The following POLD2 variants were observed in gnomAD, a reference collection of about 807,000 sequenced individuals.
The protein encoded by POLD2 is DNA polymerase delta 2, accessory subunit, also known as DNA polymerase delta subunit 2.
POLD2 carries 31 observed loss-of-function variants against 48.8 expected under a neutral mutation model. The observed-to-expected ratio is 0.64, with a 90% CI of 0.48 to 0.86. The LOEUF is 0.86. Ranked by LOEUF, POLD2 falls within the 40% of genes least tolerant of loss-of-function variation. POLD2 has a pLI of 0.00. For missense variants in POLD2, 455 were observed against 610.1 expected, an observed-to-expected ratio of 0.75 and a Z score of 2.68; for synonymous variants, 233 against 256.3, an observed-to-expected ratio of 0.91 and a Z score of 0.87.
chr7:44,120,745 G>T (rs1348382988), intron 2 of POLD2, among the ~76,000 whole-genome samples: 1 of 152,130 alleles, frequency 6.6e-6, no homozygotes, highest in Non-Finnish European at 1.5e-5. Context: ...ATGTAAAAGA[G>T]CCTTGCTTTC....
rs776177157 is a variant in POLD2 at position 44,115,436 on chromosome 7, A to G, written c.1148-40T>C. On this transcript the variant is annotated intron_variant, in intron 9 of 10. Transcript: ENST00000610533. The stretch of plus-strand genomic sequence containing the variant: ...GCAGCTCTGAGGAGGGTTCCGCCTC[A>G]GCACTAGCACTCTGCACAGGATGTG... 11 of 1,224,194 alleles carry G rather than the reference A, an allele frequency of 9.0e-6. No individual in the cohort carries two copies. The South Asian group carries it at 1.1e-4, about 12-fold the overall frequency. 75.8% of individuals were successfully genotyped at this position (1,224,194 alleles called of 1,614,324 possible).
chr7:44,123,750 G>A (rs570513501), upstream of POLD2: 70 of 1,319,720 alleles, frequency 5.3e-5, no homozygotes, highest in South Asian at 1.2e-3. Context: ...GGGCTCGCAG[G>A]CCGGCGCCGC....
intron 2 of POLD2, 121 bp from the exon 3 acceptor site, chr7:44,118,185 G>A: frequency 1.7e-6 from 2 of 1,180,468 alleles, no homozygotes; most frequent in Non-Finnish European, 2.4e-6. Context: ...TGCCAGGAGA[G>A]AACATCAAGT....
rs759384009 is a variant in POLD2, at chr7:44,117,257, A to G, written c.467-10T>C. ...ACAGCCAGGACAGTCCCTGGGGAGC[A>G]GTGGCATCAGGCCTGAGCAGGGAGC... On this transcript the variant is annotated splice_polypyrimidine_tract_variant and intron_variant, in intron 4 of 10. Coordinates refer to ENST00000610533, the MANE Select transcript of POLD2 (RefSeq NM_006230.4). The G allele has an allele frequency of 1.2e-6, 2 of 1,603,250 alleles. No homozygotes were observed. The highest frequency in any genetic ancestry group is 3.3e-5 in the Admixed American group (2 of 59,808).
chr7:44,117,362 C>G, intron 4 of POLD2, 115 bp from the exon 5 acceptor site: 3 of 791,730 alleles, frequency 3.8e-6, no homozygotes, highest in Non-Finnish European at 6.3e-6. Context: ...TGAATTCTCA[C>G]CTAGGACTCC....
intron 1 of POLD2, chr7:44,122,593 C>A: frequency 2.8e-6 from 1 of 356,612 alleles, no homozygotes; most frequent in Non-Finnish European, 3.9e-6. Context: ...CAAAACTCTC[C>A]AAAGTGTCCT....
chr7:44,122,111 T>C lies in POLD2; in HGVS notation c.-56-2A>G. On this transcript the variant is annotated splice_acceptor_variant, in intron 1 of 10. Coordinates refer to ENST00000610533, the MANE Select transcript of POLD2 (RefSeq NM_006230.4). LOFTEE classifies it low-confidence loss of function (5UTR_SPLICE). ...CTTCGCCCAGGCCAAGGAGGTTCAC[T>C]GCGAAAACACAAAGGCATTCCTGCT... 1.9e-6 allele frequency: 3 copies of C among 1,585,230 alleles called. No individual in the cohort carries two copies. Among genetic ancestry groups the C allele is most frequent in the Non-Finnish European group, 2.6e-6 (3 of 1,162,638 alleles).
At chr7:44,114,970 A>C (rs1264176349) in intron 10 of POLD2, 25 bp from the exon 11 acceptor site, 1 of 1,580,772 alleles carries the variant, frequency 6.3e-7, no homozygotes, top group East Asian at 2.3e-5. Context: ...CATAGGACCC[A>C]CTGTAGGTTC....
At position 44,114,894 on chromosome 7, in the gene POLD2, G is replaced by A. The variant is rs767143565; in HGVS notation, c.1301C>T (p.Thr434Met). The change falls in exon 11 of 11, where the codon ACG becomes ATG. Residue 434 changes from threonine (T) to methionine (M), a missense_variant. Coordinates refer to ENST00000610533, the MANE Select transcript of POLD2 (RefSeq NM_006230.4). ...CAGGTTCACAAGGCAGGCGGTCTGC[G>A]TGGCACTGAAGTCAGGGACAGTCAC... ...LLVTVPDFSA[T>M]QTACLVNLRS... The A allele has an allele frequency of 8.1e-6, 13 of 1,613,604 alleles. No homozygotes were observed. Among genetic ancestry groups the A allele is most frequent in the African/African-American group, 8.0e-5 (6 of 74,946 alleles).
chr7:44,122,402 C>G lies in POLD2; in HGVS notation c.-56-293G>C, dbSNP rs571568492. The G allele has an allele frequency of 2.3e-5, 26 of 1,134,228 alleles. No individual in the cohort carries two copies. In the South Asian group the frequency reaches 9.9e-4, roughly 43 times the overall value. The allele number at this position is 1,134,228 out of a possible 1,614,324, so 70.3% of individuals were successfully genotyped here. On this transcript the variant is annotated intron_variant, in intron 1 of 10. Transcript: ENST00000610533. ...TCTGGACAACTACCAGGGTCTCAAT[C>G]AAGTTCAGTTTGCCCCAAATGGAAT... is the stretch of plus-strand genomic sequence containing the variant.
Position 44,116,513 on chromosome 7 carries a change from G to A in POLD2, c.781-3C>T, listed in dbSNP as rs1406263667. The A allele has an allele frequency of 6.4e-7, 1 of 1,569,820 alleles. No individual in the cohort carries two copies. The highest frequency in any genetic ancestry group is 1.9e-5 in the Admixed American group (1 of 53,252). ...GTTTTCTTGGTGAGGTATTTGGCCTGGAATAGAAGCCCAGAAGGCCATCAG... is the reference window on the plus strand; with the variant it reads ...GTTTTCTTGGTGAGGTATTTGGCCTAGAATAGAAGCCCAGAAGGCCATCAG... On this transcript the variant is annotated splice_region_variant and splice_polypyrimidine_tract_variant and intron_variant, in intron 6 of 10. Coordinates refer to ENST00000610533, the MANE Select transcript of POLD2 (RefSeq NM_006230.4). The surrounding 1 kb of genome is among the most constrained non-coding windows in gnomAD (Gnocchi z 6.1).
Position 44,122,028 on chromosome 7 carries a change from C to T in POLD2, c.26G>A (p.Arg9Lys). The T allele has an allele frequency of 6.2e-7, 1 of 1,613,262 alleles. No individual in the cohort carries two copies. The highest frequency in any genetic ancestry group is 8.5e-7 in the Non-Finnish European group (1 of 1,180,024). Residue 9 changes from arginine (R) to lysine (K), a missense_variant, in exon 2 of 11, where the codon AGG becomes AAG. Coordinates refer to ENST00000610533, the MANE Select transcript of POLD2 (RefSeq NM_006230.4). ...TGGTGGGGACAGTAGAGTGTGGGCC[C>T]TCTGGGCAGCCTGCTCAGAAAACAT... MFSEQAAQRAHTLLSPPSA... is the reference protein window; with the variant it reads MFSEQAAQKAHTLLSPPSA...
At position 44,116,787 on chromosome 7, in the gene POLD2, G is replaced by A; in HGVS notation, c.780+30C>T. The A allele has an allele frequency of 1.9e-6, 3 of 1,606,794 alleles. No homozygotes were observed. The highest frequency in any genetic ancestry group is 2.6e-6 in the Non-Finnish European group (3 of 1,174,956). ...TACAGGCTTGCAGGCTCCTGGGCTG[G>A]GGCTGAATGCAGCCAGGTGGGCTCC... is the stretch of plus-strand genomic sequence containing the variant. On this transcript the variant is annotated intron_variant, in intron 6 of 10. Coordinates refer to ENST00000610533, the MANE Select transcript of POLD2 (RefSeq NM_006230.4). This position sits in a 1 kb window ranked among gnomAD's most constrained non-coding sequence, Gnocchi z 6.1.
At chr7:44,122,580 G>T in intron 1 of POLD2, 1 of 436,836 alleles carries the variant, frequency 2.3e-6, no homozygotes, top group Non-Finnish European at 3.0e-6. Context: ...TCACTGCTCT[G>T]TTCAAAACTC....
In POLD2 at chr7:44,121,946, T is replaced by G; in HGVS notation, c.108A>C (p.Ser36=). The G allele has an allele frequency of 1.2e-6, 2 of 1,613,830 alleles. No individual in the cohort carries two copies. Among genetic ancestry groups the G allele is most frequent in the Non-Finnish European group, 1.7e-6 (2 of 1,180,010 alleles). The change falls in exon 2 of 11, where the codon TCA becomes TCC. Residue 36 remains serine (S), a synonymous_variant. Coordinates refer to ENST00000610533, the MANE Select transcript of POLD2 (RefSeq NM_006230.4). The surrounding 1 kb of genome is among the most constrained non-coding windows in gnomAD (Gnocchi z 4.5). ...RVPVATYTNS[S]QPFRLGERSF... ...TGCGCTCTCCTAGCCGGAAGGGTTG[T>G]GAGGAGTTGGTGTAGGTTGCCACTG...
chr7:44,116,985 C>G lies in POLD2; in HGVS notation c.612G>C (p.Leu204=), dbSNP rs1334141416. 1.2e-6 allele frequency: 2 copies of G among 1,613,616 alleles called. No individual in the cohort carries two copies. Among genetic ancestry groups the G allele is most frequent in the Non-Finnish European group, 1.7e-6 (2 of 1,179,942 alleles). The change falls in exon 6 of 11, where the codon CTG becomes CTC. Residue 204 remains leucine (L), a synonymous_variant. Coordinates refer to ENST00000610533, the MANE Select transcript of POLD2 (RefSeq NM_006230.4). This position sits in a 1 kb window ranked among gnomAD's most constrained non-coding sequence, Gnocchi z 6.1. ...RFVLLVSGLG[L]GGGGGESLLG... Reference sequence around the variant, plus strand: ...GCAGGCTCTCGCCTCCACCGCCACCCAGGCCCAGGCCGGACACCAGTAGCA... The same window carrying G: ...GCAGGCTCTCGCCTCCACCGCCACCGAGGCCCAGGCCGGACACCAGTAGCA...
upstream of POLD2, chr7:44,123,797 G>T: frequency 1.9e-6 from 2 of 1,050,168 alleles, no homozygotes; most frequent in Non-Finnish European, 2.5e-6. Flanking sequence ...CAGGGGTTGG[G>T]CTGACGGGGG....
chr7:44,124,037 A>T (rs2096252486), upstream of POLD2, among the ~76,000 whole-genome samples: 1 of 151,720 alleles, frequency 6.6e-6, no homozygotes, highest in African/African-American at 2.4e-5. Context: ...GGGAGAAGTA[A>T]CTCTTCCTGA....
chr7:44,115,619 A>T, intron 9 of POLD2, 147 bp downstream of exon 9: 1 of 927,314 alleles, frequency 1.1e-6, no homozygotes, highest in Non-Finnish European at 1.6e-6. Flanking sequence ...AGTAGCTTCC[A>T]GAGCAGGTGC....
Sources: allele counts gnomAD v4.1 joint callset (sites outside exome capture counted in the v4.1 genomes callset), GRCh38; gene constraint gnomAD v4.1.1; non-coding constraint Gnocchi (gnomAD v3.1); transcripts MANE v1.5; gene names NCBI Gene and HGNC (gene_info 2026-07-23, HGNC 2026-07-21).